Variants in GSTA2 observed in about 807,000 individuals in gnomAD.
GSTA2 encodes the protein glutathione S-transferase A2.
In GSTA2, 27 loss-of-function variants were observed where a neutral mutation model predicts 22.4. That is an observed-to-expected ratio of 1.21 (90% CI 0.89 to 1.67). The LOEUF (loss-of-function observed/expected upper bound fraction) is 1.67, where lower values mean the gene tolerates loss of function less well. Ranked by LOEUF, GSTA2 falls within the 40% of genes most tolerant of loss-of-function variation. The pLI is 0.00. For missense variants in GSTA2, 302 were observed against 260.2 expected, an observed-to-expected ratio of 1.16 and a Z score of -1.11; for synonymous variants, 121 against 86.8, an observed-to-expected ratio of 1.39 and a Z score of -2.19.
chr6:52,762,866 C>T (rs1220303076), intron 1 of GSTA2, among the ~76,000 whole-genome samples: 1 of 152,180 alleles, frequency 6.6e-6, no homozygotes, highest in African/African-American at 2.4e-5. Context: ...CAGTTCGCAG[C>T]AACAGTCAGA....
rs369593642 is a variant in GSTA2, at chr6:52,757,856, C to A, written c.87+5G>T. The A allele has an allele frequency of 6.0e-5, 96 of 1,611,508 alleles. No homozygotes were observed. The South Asian group carries it at 8.2e-4, about 14-fold the overall frequency. ...TGACTTAAGATGACCTAACTCAGAACCTACCTCTACTCCAGCTGCAGCCAG... is the reference window on the plus strand; with the variant it reads ...TGACTTAAGATGACCTAACTCAGAAACTACCTCTACTCCAGCTGCAGCCAG... On this transcript the variant is annotated splice_donor_5th_base_variant and intron_variant, in intron 2 of 6. Coordinates refer to ENST00000493422, the MANE Select transcript of GSTA2 (RefSeq NM_000846.5).
At chr6:52,755,921 T>C (rs1322322621) in intron 3 of GSTA2, among the ~76,000 whole-genome samples, 1 of 152,152 alleles carries the variant, frequency 6.6e-6, no homozygotes, top group African/African-American at 2.4e-5. Context: ...CTAATGCATG[T>C]TCTTGCATGT....
chr6:52,760,508 G>T (rs1037786324), intron 1 of GSTA2, among the ~76,000 whole-genome samples: 1 of 152,002 alleles, frequency 6.6e-6, no homozygotes, highest in Non-Finnish European at 1.5e-5. Flanking sequence ...AACAACCCTG[G>T]GAAATGGCTC....
At chr6:52,758,265 G>A (rs1044207979) in intron 1 of GSTA2, among the ~76,000 whole-genome samples, 1 of 152,140 alleles carries the variant, frequency 6.6e-6, no homozygotes, top group African/African-American at 2.4e-5. Flanking sequence ...AGGAGTTAAT[G>A]GGAAGAGGAA....
At chr6:52,762,206 G>T (rs577397997) in intron 1 of GSTA2, among the ~76,000 whole-genome samples, 2 of 152,124 alleles carry the variant, frequency 1.3e-5, no homozygotes, top group South Asian at 2.1e-4. Flanking sequence ...ATATGGCCTC[G>T]TGGGAAGGGA....
intron 5 of GSTA2, among the ~76,000 whole-genome samples, 162 bp from the exon 6 acceptor site, chr6:52,751,870 G>C (rs573423926): frequency 1.3e-4 from 20 of 152,344 alleles, no homozygotes; most frequent in African/African-American, 4.8e-4. Flanking sequence ...GAATGAGATA[G>C]TAAGAAGTGT....
chr6:52,753,075 G>GT, intron 4 of GSTA2, 80 bp from the exon 5 acceptor site: 1 of 1,400,622 alleles, frequency 7.1e-7, no homozygotes, highest in Non-Finnish European at 9.7e-7. Context: ...AGAGAGTAGA[G>GT]TATCAGGTGA....
At chr6:52,762,337 T>C (rs1581778146) in intron 1 of GSTA2, among the ~76,000 whole-genome samples, 1 of 152,186 alleles carries the variant, frequency 6.6e-6, no homozygotes, top group South Asian at 2.1e-4. Flanking sequence ...CGCTTATCCC[T>C]GGGCAATGGA....
intron 1 of GSTA2, among the ~76,000 whole-genome samples, chr6:52,762,766 C>A (rs976834827): frequency 6.6e-5 from 10 of 152,210 alleles, no homozygotes; most frequent in African/African-American, 2.4e-4. Flanking sequence ...ACAAGAAACA[C>A]CCACAGGTGT....
chr6:52,752,785 A>G, intron 5 of GSTA2, 69 bp downstream of exon 5: 5 of 1,588,336 alleles, frequency 3.1e-6, no homozygotes, highest in Admixed American at 3.3e-5. Flanking sequence ...TGCCCCAGGA[A>G]TGCCCAGCCA....
At chr6:52,751,766 C>T (rs1762743645) in intron 5 of GSTA2, 58 bp from the exon 6 acceptor site, 6 of 1,612,980 alleles carry the variant, frequency 3.7e-6, no homozygotes, top group Non-Finnish European at 5.1e-6. Context: ...GGGACCCCTG[C>T]TTCTTTCAGA....
At chr6:52,757,346 TATCA>T (rs1762863510) in intron 2 of GSTA2, among the ~76,000 whole-genome samples, 1 of 135,970 alleles carries the variant, frequency 7.4e-6, no homozygotes, top group Non-Finnish European at 1.6e-5. Context: ...AATCAATAAT[TATCA>T]ATCAAAACCA....
chr6:52,760,943 G>C (rs551154363), intron 1 of GSTA2, among the ~76,000 whole-genome samples: 2 of 152,224 alleles, frequency 1.3e-5, no homozygotes, highest in East Asian at 3.9e-4. Flanking sequence ...GGACTATAAG[G>C]TCTCATATTT....
chr6:52,761,398 C>G (rs1762947369), intron 1 of GSTA2, among the ~76,000 whole-genome samples: 2 of 152,248 alleles, frequency 1.3e-5, no homozygotes, highest in South Asian at 4.2e-4. Context: ...ATGTATCTAT[C>G]TCTCTGTAAT....
intron 4 of GSTA2, 43 bp downstream of exon 4, chr6:52,754,900 C>G: frequency 6.2e-7 from 1 of 1,611,620 alleles, no homozygotes; most frequent in Non-Finnish European, 8.5e-7. Context: ...ACCTAAATCA[C>G]TCTATGTTCT....
At chr6:52,751,321 T>C (rs1762731467) in intron 6 of GSTA2, among the ~76,000 whole-genome samples, 1 of 152,160 alleles carries the variant, frequency 6.6e-6, no homozygotes, top group Admixed American at 6.5e-5. Context: ...TGGGGAGACA[T>C]GCTGGGCCCT....
At chr6:52,758,815 C>G (rs1207234122) in intron 1 of GSTA2, among the ~76,000 whole-genome samples, 1 of 152,164 alleles carries the variant, frequency 6.6e-6, no homozygotes, top group Non-Finnish European at 1.5e-5. Flanking sequence ...ATGGAAGGAG[C>G]TAGCATTTGT....
At chr6:52,760,977 C>T (rs11966380) in intron 1 of GSTA2, among the ~76,000 whole-genome samples, 2,703 of 152,204 alleles carry the variant, frequency 0.018, 83 homozygotes, top group African/African-American at 0.062. Context: ...AAAGGAGTTA[C>T]GTCTCTGAGG....
At chr6:52,759,043 A>G (rs1290220592) in intron 1 of GSTA2, among the ~76,000 whole-genome samples, 1 of 152,204 alleles carries the variant, frequency 6.6e-6, no homozygotes, top group Non-Finnish European at 1.5e-5. Context: ...GTGTTTCTCA[A>G]ATATGCATGG....
Sources: allele counts gnomAD v4.1 joint callset (sites outside exome capture counted in the v4.1 genomes callset), GRCh38; gene constraint gnomAD v4.1.1; transcripts MANE v1.5; gene names NCBI Gene and HGNC (gene_info 2026-07-23, HGNC 2026-07-21).